Variants in CRPPA observed in about 807,000 individuals in gnomAD.
CRPPA encodes CDP-L-ribitol pyrophosphorylase A, also known as D-ribitol-5-phosphate cytidylyltransferase.
CRPPA carries 43 observed loss-of-function variants against 52.0 expected under a neutral mutation model. The ratio of observed to expected loss-of-function variants is 0.83; its 90% CI spans 0.65 to 1.07. CRPPA has a LOEUF of 1.07. CRPPA is among the 50% of genes least tolerant of loss of function. The pLI is 0.00. For missense variants in CRPPA, 629 were observed against 551.7 expected (o/e 1.14, Z -1.40); for synonymous variants, 250 against 203.5 (o/e 1.23, Z -1.94).
rs550883023 is a variant in CRPPA at position 16,357,331 on chromosome 7, A to G, written c.684+18761T>C. On this transcript the variant is annotated intron_variant, in intron 3 of 9. Coordinates refer to ENST00000407010, the MANE Select transcript of CRPPA (RefSeq NM_001101426.4). Reference sequence around the variant, plus strand: ...GTAGCTGGAATTACAGGTGCATACCACCATGCCTGGCTAATTTTTGTAGTT... The same window carrying G: ...GTAGCTGGAATTACAGGTGCATACCGCCATGCCTGGCTAATTTTTGTAGTT... Among the ~76,000 whole-genome samples the G allele has an allele frequency of 5.3e-5, 8 of 152,186 alleles. 1 individual carries two copies. The East Asian group carries it at 1.5e-3, about 29-fold the overall frequency.
chr7:16,327,126 C>T (rs1338724283), intron 3 of CRPPA, among the ~76,000 whole-genome samples: 2 of 152,138 alleles, frequency 1.3e-5, no homozygotes, highest in Admixed American at 6.5e-5. Context: ...TTTACCAACA[C>T]CTGCCTCAAA....
At chr7:16,121,383 G>A (rs1193352317) in intron 9 of CRPPA, among the ~76,000 whole-genome samples, 1 of 151,706 alleles carries the variant, frequency 6.6e-6, no homozygotes, top group Non-Finnish European at 1.5e-5. Context: ...CTTGCTTTCA[G>A]GAATAACCCC....
chr7:16,092,349 A>T (rs527700789), intron 9 of CRPPA, among the ~76,000 whole-genome samples: 1 of 152,338 alleles, frequency 6.6e-6, no homozygotes, highest in African/African-American at 2.4e-5. Flanking sequence ...TTATGAGAAG[A>T]TTATAATGTG....
At position 16,159,627 on chromosome 7, in the gene CRPPA, G is replaced by C. The variant is rs536676663; in HGVS notation, c.1251+56439C>G. Among the ~76,000 whole-genome samples, 16 of 152,270 alleles carry C rather than the reference G, an allele frequency of 1.1e-4. No individual in the cohort carries two copies. The South Asian group carries it at 3.1e-3, about 30-fold the overall frequency. On this transcript the variant is annotated intron_variant, in intron 9 of 9. Coordinates refer to ENST00000407010, the MANE Select transcript of CRPPA (RefSeq NM_001101426.4). ...CTATCATTGATGGGCATTTGGGTTGGTTCCAAGTCTTTGCTATTGTGAAAG... is the reference window on the plus strand; with the variant it reads ...CTATCATTGATGGGCATTTGGGTTGCTTCCAAGTCTTTGCTATTGTGAAAG...
rs139560543 is a variant in CRPPA at position 16,231,372 on chromosome 7, C to A, written c.1120-15175G>T. Among the ~76,000 whole-genome samples the A allele has an allele frequency of 6.6e-5, 10 of 152,158 alleles. No homozygotes were observed. The East Asian group carries it at 1.9e-3, about 29-fold the overall frequency. On this transcript the variant is annotated intron_variant, in intron 8 of 9. Coordinates refer to ENST00000407010, the MANE Select transcript of CRPPA (RefSeq NM_001101426.4). The stretch of plus-strand genomic sequence containing the variant: ...GGTGGGGTGACAATCAGTGGATAAT[C>A]CTGCTTTGTCATCTTGTTCCACCCA...
At chr7:16,223,267 A>T (rs1782568966) in intron 8 of CRPPA, among the ~76,000 whole-genome samples, 1 of 152,180 alleles carries the variant, frequency 6.6e-6, no homozygotes, top group Non-Finnish European at 1.5e-5. Context: ...TGAACTACAG[A>T]ATTACCTTTG....
chr7:16,398,893 C>G (rs1374929527), intron 2 of CRPPA, among the ~76,000 whole-genome samples: 1 of 152,200 alleles, frequency 6.6e-6, no homozygotes, highest in Non-Finnish European at 1.5e-5. Flanking sequence ...GTGATCAGCA[C>G]ATGTCCAACA....
intron 8 of CRPPA, among the ~76,000 whole-genome samples, chr7:16,241,585 C>A (rs1025697366): frequency 6.6e-6 from 1 of 152,134 alleles, no homozygotes; most frequent in African/African-American, 2.4e-5. Flanking sequence ...CCACTTTTAA[C>A]AATTAAACAC....
chr7:16,203,194 A>G (rs901296948), intron 9 of CRPPA, among the ~76,000 whole-genome samples: 1 of 152,150 alleles, frequency 6.6e-6, no homozygotes, highest in African/African-American at 2.4e-5. Flanking sequence ...TCTTTATCTT[A>G]CTTATTTGCT....
chr7:16,366,583 A>G (rs559744395), intron 3 of CRPPA, among the ~76,000 whole-genome samples: 2 of 152,272 alleles, frequency 1.3e-5, no homozygotes, highest in East Asian at 3.9e-4. Context: ...GATAAAAGTA[A>G]TTTATGCTTT....
intron 3 of CRPPA, among the ~76,000 whole-genome samples, chr7:16,350,465 T>C (rs1786119622): frequency 6.6e-6 from 1 of 152,098 alleles, no homozygotes. Flanking sequence ...TTAAAAAATA[T>C]AAATTTTGAC....
rs1399379183 is a variant in CRPPA, at chr7:16,132,538, G to A, written c.1252-40739C>T. ...AGAAGTATATGTTTTAATGAGGTTA[G>A]AAAGAGGTAGAAAGTGGAAAAAGAG... On this transcript the variant is annotated intron_variant, in intron 9 of 9. Coordinates refer to ENST00000407010, the MANE Select transcript of CRPPA (RefSeq NM_001101426.4). Among the ~76,000 whole-genome samples the A allele has an allele frequency of 3.2e-5, 4 of 124,498 alleles. 1 individual carries two copies. Among genetic ancestry groups the A allele is most frequent in the Non-Finnish European group, 7.3e-5 (4 of 54,762 alleles). 81.7% of individuals were successfully genotyped at this position (124,498 alleles called of 152,430 possible). A position where few individuals can be genotyped will look rare whatever the true frequency, so the allele number is the denominator to read the frequency against.
At chr7:16,275,385 A>C (rs1246920540) in intron 6 of CRPPA, among the ~76,000 whole-genome samples, 1 of 152,192 alleles carries the variant, frequency 6.6e-6, no homozygotes, top group African/African-American at 2.4e-5. Context: ...GCACCGTAGT[A>C]TGTTAAAGCA....
chr7:16,249,661 A>G (rs1370742591), intron 8 of CRPPA, among the ~76,000 whole-genome samples: 1 of 152,206 alleles, frequency 6.6e-6, no homozygotes, highest in African/African-American at 2.4e-5. Context: ...AGGAAAACTA[A>G]CAAACAGAAA....
At chr7:16,211,720 T>C (rs954521585) in intron 9 of CRPPA, among the ~76,000 whole-genome samples, 2 of 152,200 alleles carry the variant, frequency 1.3e-5, no homozygotes, top group East Asian at 1.9e-4. Context: ...ATGTCAGTGG[T>C]ACCCTATACA....
In CRPPA at chr7:16,088,080, A is replaced by G. The variant is rs1781733107; in HGVS notation, c.*3615T>C. 1 of 152,198 alleles carries G rather than the reference A, an allele frequency of 6.6e-6. No homozygotes were observed. Among genetic ancestry groups the G allele is most frequent in the Non-Finnish European group, 1.5e-5 (1 of 68,030 alleles). The allele number at this position is 152,198 out of a possible 1,614,324, so 9.4% of individuals were successfully genotyped here. On this transcript the variant is annotated 3_prime_UTR_variant, in exon 10 of 10. Transcript: ENST00000407010. ...CTGACTCTTACCTGTAAATGAGTAT[A>G]CTTGCAACAAGTCATCTCAAATTGA...
chr7:16,418,746 C>T (rs929390695), intron 1 of CRPPA, among the ~76,000 whole-genome samples: 2 of 152,156 alleles, frequency 1.3e-5, no homozygotes, highest in African/African-American at 4.8e-5. Flanking sequence ...ATTACTTCCA[C>T]CTGATCTCTC....
At chr7:16,371,840 C>T (rs1786757027) in intron 3 of CRPPA, among the ~76,000 whole-genome samples, 1 of 151,374 alleles carries the variant, frequency 6.6e-6, no homozygotes, top group African/African-American at 2.4e-5. Flanking sequence ...AAAAAAATTC[C>T]AGAGAAATAG....
chr7:16,337,861 T>C (rs1785726543), intron 3 of CRPPA, among the ~76,000 whole-genome samples: 1 of 152,130 alleles, frequency 6.6e-6, no homozygotes, highest in Admixed American at 6.5e-5. Context: ...AGTGCTAAGT[T>C]TCCCCCAGAA....
Sources: allele counts gnomAD v4.1 joint callset (sites outside exome capture counted in the v4.1 genomes callset), GRCh38; gene constraint gnomAD v4.1.1; transcripts MANE v1.5; gene names NCBI Gene and HGNC (gene_info 2026-07-23, HGNC 2026-07-21).